Variants in PPP2R2B observed in about 807,000 individuals in gnomAD.
The protein encoded by PPP2R2B is protein phosphatase 2 regulatory subunit Bbeta, also known as serine/threonine-protein phosphatase 2A 55 kDa regulatory subunit B beta isoform.
In PPP2R2B, 5 loss-of-function variants were observed where a neutral mutation model predicts 46.0. That is an observed-to-expected ratio of 0.11 (90% CI 0.06 to 0.23). The LOEUF (loss-of-function observed/expected upper bound fraction) is 0.23. Among genes scored for constraint, PPP2R2B ranks in the 10% least tolerant of loss-of-function variants. The pLI is 1.00. For synonymous variants in PPP2R2B, 215 were observed against 206.7 expected (o/e 1.04, Z -0.34); for missense variants, 367 against 575.0 (o/e 0.64, Z 3.70).
chr5:146,870,401 G>A (rs958689160), intron 2 of PPP2R2B, among the ~76,000 whole-genome samples: 3 of 152,094 alleles, frequency 2.0e-5, no homozygotes, highest in African/African-American at 7.2e-5. Context: ...CAGAGATTGC[G>A]CTCTCTCTTT....
intron 7 of PPP2R2B, among the ~76,000 whole-genome samples, chr5:146,623,818 A>AT (rs1773862187): frequency 1.3e-5 from 2 of 152,276 alleles, no homozygotes; most frequent in South Asian, 4.1e-4. Context: ...GCTTTGAGTA[A>AT]TTCAGCAGAT....
intron 1 of PPP2R2B, among the ~76,000 whole-genome samples, chr5:147,028,112 G>A (rs1347794939): frequency 6.6e-6 from 1 of 152,100 alleles, no homozygotes; most frequent in African/African-American, 2.4e-5. Flanking sequence ...AGGGAAGGTG[G>A]GAGATATTTA....
At chr5:146,893,285 G>T (rs1762545111) in intron 1 of PPP2R2B, among the ~76,000 whole-genome samples, 1 of 152,180 alleles carries the variant, frequency 6.6e-6, no homozygotes, top group South Asian at 2.1e-4. Flanking sequence ...CTTTGTGTCA[G>T]TTATGTAGCT....
At chr5:146,609,968 G>C (rs1429546950) in intron 7 of PPP2R2B, among the ~76,000 whole-genome samples, 2 of 143,826 alleles carry the variant, frequency 1.4e-5, no homozygotes, top group African/African-American at 2.8e-5. Context: ...AAAGCAGCCG[G>C]GAAGCTCGAA....
chr5:146,628,054 C>G (rs554780062), intron 7 of PPP2R2B, among the ~76,000 whole-genome samples: 1 of 152,140 alleles, frequency 6.6e-6, no homozygotes, highest in Non-Finnish European at 1.5e-5. Flanking sequence ...AAGTGATTCT[C>G]CTGCCTCAGC....
At chr5:146,674,132 TAC>T (rs1777557347) in intron 5 of PPP2R2B, among the ~76,000 whole-genome samples, 1 of 152,222 alleles carries the variant, frequency 6.6e-6, no homozygotes, top group East Asian at 1.9e-4. Context: ...TGGAGCTAGC[TAC>T]ATATTATTGA....
At chr5:146,692,260 C>G (rs1778898626) in intron 4 of PPP2R2B, among the ~76,000 whole-genome samples, 1 of 152,204 alleles carries the variant, frequency 6.6e-6, no homozygotes, top group Admixed American at 6.5e-5. Flanking sequence ...TAAGGAGATA[C>G]ACTGAAATGT....
intron 1 of PPP2R2B, among the ~76,000 whole-genome samples, chr5:146,904,448 A>G (rs1318741664): frequency 2.0e-5 from 3 of 152,094 alleles, no homozygotes; most frequent in Admixed American, 6.5e-5. Context: ...TATCAAGCCC[A>G]GTCCTGGGGT....
chr5:147,035,819 G>A (rs1229507525), intron 1 of PPP2R2B, among the ~76,000 whole-genome samples: 1 of 152,004 alleles, frequency 6.6e-6, no homozygotes, highest in African/African-American at 2.4e-5. Context: ...CAGTTTGGAT[G>A]TCTAGATAAT....
At chr5:146,869,752 T>C (rs1223587717) in intron 2 of PPP2R2B, among the ~76,000 whole-genome samples, 1 of 152,182 alleles carries the variant, frequency 6.6e-6, no homozygotes, top group Non-Finnish European at 1.5e-5. Context: ...AGAAAGAATA[T>C]AGTATTATTT....
Position 146,989,633 on chromosome 5 carries a change from C to T in PPP2R2B, c.79+66032G>A, listed in dbSNP as rs1031590738. On this transcript the variant is annotated intron_variant, in intron 1 of 8. Coordinates refer to the PPP2R2B transcript ENST00000336640. ...AAGGCCTTACATGACAAAACCAGAGCTAACATTATATGGAATAGGCAAAAG... is the reference window on the plus strand; with the variant it reads ...AAGGCCTTACATGACAAAACCAGAGTTAACATTATATGGAATAGGCAAAAG... Among the ~76,000 whole-genome samples, 4 of 151,976 alleles carry T rather than the reference C, an allele frequency of 2.6e-5. No individual in the cohort carries two copies. In the South Asian group the frequency reaches 8.3e-4, roughly 31 times the overall value.
chr5:146,941,627 T>C (rs1476318299), intron 1 of PPP2R2B, among the ~76,000 whole-genome samples: 1 of 152,164 alleles, frequency 6.6e-6, no homozygotes, highest in Non-Finnish European at 1.5e-5. Flanking sequence ...ACTTCCTTTT[T>C]CTATGAGCAA....
At chr5:146,749,606 CTTTTTTTTTTTTT>C (rs1045634394) in intron 2 of PPP2R2B, among the ~76,000 whole-genome samples, 2 of 103,848 alleles carry the variant, frequency 1.9e-5, no homozygotes, top group Non-Finnish European at 4.1e-5. Flanking sequence ...CTTTTCTTTT[CTTTTTTTTTTTTT>C]TTTTTTTCGA....
chr5:146,677,966 A>G (rs959016742), intron 5 of PPP2R2B, among the ~76,000 whole-genome samples: 4 of 152,220 alleles, frequency 2.6e-5, no homozygotes, highest in Non-Finnish European at 5.9e-5. Context: ...ATGTTAGGTT[A>G]GACAGAAGGA....
chr5:146,687,065 T>C (rs1334729279), intron 5 of PPP2R2B, among the ~76,000 whole-genome samples: 1 of 85,602 alleles, frequency 1.2e-5, no homozygotes, highest in Non-Finnish European at 2.4e-5. Flanking sequence ...TAGCGGGGAG[T>C]GGTGGGGGGA....
At chr5:146,933,240 GA>G (rs1224704778) in intron 1 of PPP2R2B, among the ~76,000 whole-genome samples, 4 of 152,142 alleles carry the variant, frequency 2.6e-5, no homozygotes, top group Non-Finnish European at 5.9e-5. Flanking sequence ...TATTTCCTAA[GA>G]TTTTTTTTCA....
intron 2 of PPP2R2B, among the ~76,000 whole-genome samples, chr5:146,708,805 A>C (rs2151178690): frequency 1.3e-5 from 2 of 152,292 alleles, no homozygotes; most frequent in South Asian, 4.2e-4. Context: ...GAGCTAAAAA[A>C]AATTCATCAA....
intron 2 of PPP2R2B, among the ~76,000 whole-genome samples, chr5:146,790,670 A>C (rs1219900323): frequency 6.6e-6 from 1 of 152,226 alleles, no homozygotes; most frequent in Admixed American, 6.5e-5. Context: ...AGCATTGCCT[A>C]ATATCCCTCC....
chr5:146,776,489 A>G (rs546653464), intron 2 of PPP2R2B, among the ~76,000 whole-genome samples: 1 of 152,258 alleles, frequency 6.6e-6, no homozygotes, highest in Non-Finnish European at 1.5e-5. Context: ...AATATGAACA[A>G]GAAATTAACT....
Sources: allele counts gnomAD v4.1 joint callset (sites outside exome capture counted in the v4.1 genomes callset), GRCh38; gene constraint gnomAD v4.1.1; transcripts MANE v1.5; gene names NCBI Gene and HGNC (gene_info 2026-07-23, HGNC 2026-07-21).